PXK: variants seen among roughly 807,000 people sequenced by gnomAD.
PXK encodes PX domain-containing protein kinase-like protein.
Under a neutral mutation model 84.7 loss-of-function variants are expected in PXK, and 35 were observed. The ratio of observed to expected loss-of-function variants is 0.41; its 90% confidence interval spans 0.32 to 0.55. The LOEUF is 0.55. Ranked by LOEUF, PXK falls within the 20% of genes least tolerant of loss-of-function variation. PXK has a pLI of 0.21. For synonymous variants in PXK, 253 were observed against 260.8 expected (o/e 0.97, Z 0.29); for missense variants, 634 against 699.7 (o/e 0.91, Z 1.06).
chr3:58,346,295 C>T (rs1454145466), intron 1 of PXK, among the ~76,000 whole-genome samples: 3 of 151,732 alleles, frequency 2.0e-5, no homozygotes, highest in Non-Finnish European at 2.9e-5. Flanking sequence ...TGTCTGTGTG[C>T]AAGGTGCAGT....
rs1006275840 is a variant in PXK at position 58,333,081 on chromosome 3, G to A, written c.93G>A (p.Gln31=). The part of the protein sequence containing the change: ...TAAIEASQSL[Q]SHTEYIIRVQ... ...CCATCGAGGCGAGCCAGAGCCTGCAGTCCCACACGGTGCGCGGCCCAGCGG... is the reference window on the plus strand; with the variant it reads ...CCATCGAGGCGAGCCAGAGCCTGCAATCCCACACGGTGCGCGGCCCAGCGG... The change falls in exon 1 of 18, where the codon CAG becomes CAA. Residue 31 remains glutamine, a synonymous_variant. Transcript: ENST00000356151. This position sits in a 1 kb window ranked among gnomAD's most constrained non-coding sequence, Gnocchi z 5.4. 5 of 1,267,860 alleles carry A rather than the reference G, an allele frequency of 3.9e-6. No individual in the cohort carries two copies. In the African/African-American group the frequency reaches 6.3e-5, roughly 16 times the overall value. The allele number at this position is 1,267,860 out of a possible 1,614,324, so 78.5% of individuals were successfully genotyped here.
At chr3:58,373,695 C>T (rs2098408770) in intron 3 of PXK, among the ~76,000 whole-genome samples, 1 of 152,106 alleles carries the variant, frequency 6.6e-6, no homozygotes, top group Non-Finnish European at 1.5e-5. Context: ...TGTCTTAGCC[C>T]AGGGCCTTTG....
chr3:58,369,362 C>A (rs1173672456), intron 2 of PXK, 69 bp from the exon 3 acceptor site: 7 of 1,240,298 alleles, frequency 5.6e-6, no homozygotes, highest in Non-Finnish European at 8.1e-6. Flanking sequence ...AATTCTAATA[C>A]ATATTAAATA....
At position 58,370,896 on chromosome 3, in the gene PXK, G is replaced by A. The variant is rs552357617; in HGVS notation, c.201+1418G>A. ...GCCTGTAATCCCAGCTACTCAGGGG[G>A]CTGAGGCAGGAGAACCGCCTGAACC... On this transcript the variant is annotated intron_variant, in intron 3 of 17. Coordinates refer to ENST00000356151, the MANE Select transcript of PXK (RefSeq NM_017771.5). The surrounding 1 kb of genome is among the most constrained non-coding windows in gnomAD (Gnocchi z 4.2). 6.6e-6 allele frequency among the ~76,000 whole-genome samples: 1 copy of A among 152,178 alleles called. No individual in the cohort carries two copies. Among genetic ancestry groups the A allele is most frequent in the South Asian group, 2.1e-4 (1 of 4,822 alleles).
rs895806538 is a variant in PXK, at chr3:58,425,328, C to T, written c.*368C>T. On this transcript the variant is annotated 3_prime_UTR_variant, in exon 18 of 18. Coordinates refer to ENST00000356151, the MANE Select transcript of PXK (RefSeq NM_017771.5). ...GTAAATGGCCTTTGTGTTGCAATCC[C>T]TTCTACCCCATCAGACAGCTCCTAG... is the stretch of plus-strand genomic sequence containing the variant. 1 of 225,554 alleles carries T rather than the reference C, an allele frequency of 4.4e-6. No individual in the cohort carries two copies. The highest frequency in any genetic ancestry group is 9.0e-6 in the Non-Finnish European group (1 of 111,502). 14.0% of individuals were successfully genotyped at this position (225,554 alleles called of 1,614,324 possible).
chr3:58,396,995 G>C (rs1560061993), intron 9 of PXK, 44 bp from the exon 10 acceptor site: 3 of 1,571,718 alleles, frequency 1.9e-6, no homozygotes, highest in African/African-American at 2.7e-5. Context: ...TCTTATATCT[G>C]AATGAGTTTG....
chr3:58,390,599 G>C lies in PXK; in HGVS notation c.406G>C (p.Val136Leu). 1 of 1,613,212 alleles carries C rather than the reference G, an allele frequency of 6.2e-7. No homozygotes were observed. The highest frequency in any genetic ancestry group is 8.5e-7 in the Non-Finnish European group (1 of 1,179,516). ...CTTTGCAGAGATTGCCTTGCAACAG[G>C]TTTCCATGTTCTTCCGATCAGAACC... ...ANYTEIALQQ[V>L]SMFFRSEPKW... The change falls in exon 5 of 18, where the codon GTT becomes CTT. Residue 136 changes from valine to leucine, a missense_variant. Transcript: ENST00000356151. This position sits in a 1 kb window ranked among gnomAD's most constrained non-coding sequence, Gnocchi z 4.2.
At position 58,397,634 on chromosome 3, in the gene PXK, T is replaced by C. The variant is rs1220803787; in HGVS notation, c.1014T>C (p.Phe338=). 3 of 1,614,134 alleles carry C rather than the reference T, an allele frequency of 1.9e-6. No homozygotes were observed. In the South Asian group the frequency reaches 3.3e-5, roughly 18 times the overall value. ...NTLESVDVHC[F]GHLLYEMTYG... ...TGGAAAGTGTGGATGTCCACTGCTT[T>C]GGCCACTTACTGTATGAAATGACTT... Residue 338 remains phenylalanine (F), a synonymous_variant, in exon 11 of 18, where the codon TTT becomes TTC. Transcript: ENST00000356151. The surrounding 1 kb of genome is among the most constrained non-coding windows in gnomAD (Gnocchi z 4.7).
chr3:58,391,898 A>AT lies in PXK; in HGVS notation c.615+57dup, dbSNP rs771347826. On this transcript the variant is annotated intron_variant, in intron 7 of 17. Coordinates refer to ENST00000356151, the MANE Select transcript of PXK (RefSeq NM_017771.5). ...TCAGTGCTGATGATAGAGTCACAGT[A>AT]TTTTTTCTGGGTGAACATGGACAGA... 650 of 1,506,726 alleles carry AT rather than the reference A, an allele frequency of 4.3e-4. 1 individual carries two copies. The highest frequency in any genetic ancestry group is 5.7e-4 in the Non-Finnish European group (616 of 1,087,292). The allele number at this position is 1,506,726 out of a possible 1,614,324, so 93.3% of individuals were successfully genotyped here. A position where few individuals can be genotyped will look rare whatever the true frequency, so the allele number is the denominator to read the frequency against.
At chr3:58,353,059 C>A (rs985399727) in intron 1 of PXK, among the ~76,000 whole-genome samples, 2 of 151,510 alleles carry the variant, frequency 1.3e-5, no homozygotes, top group Admixed American at 1.3e-4. Context: ...TGCAGTGGTG[C>A]GATCTCGGCT....
intron 1 of PXK, among the ~76,000 whole-genome samples, chr3:58,334,959 C>CTGTGTGTGTG (rs1160895291): frequency 1.6e-4 from 20 of 125,642 alleles, no homozygotes; most frequent in East Asian, 1.2e-3. Flanking sequence ...GTGTGTGTGT[C>CTGTGTGTGTG]TGTGTGTGTG....
intron 4 of PXK, among the ~76,000 whole-genome samples, chr3:58,388,302 A>G (rs7610312): frequency 0.29 from 44,614 of 152,082 alleles, 7,322 homozygotes; most frequent in Middle Eastern, 0.39. Context: ...TGTTCCTAAA[A>G]CAATGTATGG....
intron 1 of PXK, among the ~76,000 whole-genome samples, chr3:58,346,362 TAGAG>T (rs1021055957): frequency 5.9e-5 from 9 of 151,978 alleles, no homozygotes; most frequent in East Asian, 3.9e-4. Flanking sequence ...ACAGTGAAGT[TAGAG>T]AGGCCACAGC....
intron 3 of PXK, among the ~76,000 whole-genome samples, chr3:58,376,137 G>C (rs754717249): frequency 6.6e-6 from 1 of 152,202 alleles, no homozygotes; most frequent in Middle Eastern, 3.4e-3. Flanking sequence ...TAGCCTGGCC[G>C]GGCGTGGTGG....
At chr3:58,393,962 CT>C (rs2098656623) in intron 7 of PXK, among the ~76,000 whole-genome samples, 1 of 152,022 alleles carries the variant, frequency 6.6e-6, no homozygotes, top group Admixed American at 6.6e-5. Flanking sequence ...TGAAAATGTT[CT>C]ATAATTAGAT....
At position 58,411,415 on chromosome 3, in the gene PXK, C is replaced by G. The variant is rs62258128; in HGVS notation, c.1465+1256C>G. On this transcript the variant is annotated intron_variant, in intron 16 of 17. Coordinates refer to ENST00000356151, the MANE Select transcript of PXK (RefSeq NM_017771.5). This position sits in a 1 kb window ranked among gnomAD's most constrained non-coding sequence, Gnocchi z 4.2. ...AAGGAGGGGTGGTCCCAATGAGGAC[C>G]AGCGCAGGCTCCTTGGGGGTGAATG... 0.3 allele frequency among the ~76,000 whole-genome samples: 45,197 copies of G among 152,082 alleles called. 7,477 individuals carry two copies. The highest frequency in any genetic ancestry group is 0.39 in the Middle Eastern group (116 of 294).
chr3:58,334,611 A>G (rs1202300130), intron 1 of PXK, among the ~76,000 whole-genome samples: 1 of 152,124 alleles, frequency 6.6e-6, no homozygotes, highest in East Asian at 1.9e-4. Context: ...AGCATTCATG[A>G]TTTCTACAGC....
intron 1 of PXK, among the ~76,000 whole-genome samples, chr3:58,341,758 C>A (rs1174719662): frequency 6.6e-6 from 1 of 150,892 alleles, no homozygotes; most frequent in African/African-American, 2.4e-5. Flanking sequence ...GGCTGGAGTG[C>A]AGCAGTGTGA....
intron 1 of PXK, among the ~76,000 whole-genome samples, chr3:58,335,514 G>T (rs897360475): frequency 6.6e-6 from 1 of 152,210 alleles, no homozygotes; most frequent in African/African-American, 2.4e-5. Context: ...GTTGTTAAGA[G>T]GGGTATGTAG....
Sources: allele counts gnomAD v4.1 joint callset (sites outside exome capture counted in the v4.1 genomes callset), GRCh38; gene constraint gnomAD v4.1.1; non-coding constraint Gnocchi (gnomAD v3.1); transcripts MANE v1.5; gene names NCBI Gene and HGNC (gene_info 2026-07-23, HGNC 2026-07-21).